Variants in NCKAP1 observed in about 807,000 individuals in gnomAD.
NCKAP1 encodes nck-associated protein 1.
NCKAP1 carries 21 observed loss-of-function variants against 151.2 expected under a neutral mutation model. That is an observed-to-expected ratio of 0.14 (90% CI 0.10 to 0.20). NCKAP1 has a LOEUF of 0.20. NCKAP1 is among the 10% of genes least tolerant of loss of function. The pLI, the probability that NCKAP1 is intolerant of heterozygous loss-of-function variation, is 1.00. For missense variants in NCKAP1, 933 were observed against 1,352.1 expected (o/e 0.69, Z 4.86); for synonymous variants, 484 against 451.8 (o/e 1.07, Z -0.90).
At chr2:182,974,749 T>C (rs1455984540) in intron 15 of NCKAP1, among the ~76,000 whole-genome samples, 1 of 152,148 alleles carries the variant, frequency 6.6e-6, no homozygotes, top group African/African-American at 2.4e-5. Context: ...TACATTTCTA[T>C]TGTTTAAGCC....
chr2:182,983,049 C>CT (rs1697973119), intron 11 of NCKAP1, 122 bp from the exon 12 acceptor site: 2 of 777,824 alleles, frequency 2.6e-6, no homozygotes, highest in Non-Finnish European at 4.1e-6. Context: ...AGTGAAGAGA[C>CT]TAACAGAAGA....
chr2:182,965,416 T>C (rs1186779715), intron 16 of NCKAP1, among the ~76,000 whole-genome samples: 5 of 152,060 alleles, frequency 3.3e-5, no homozygotes. Flanking sequence ...CCTTAACCTC[T>C]TGGGCTCAAG....
At chr2:182,955,308 A>G (rs941494392) in intron 20 of NCKAP1, among the ~76,000 whole-genome samples, 3 of 152,230 alleles carry the variant, frequency 2.0e-5, no homozygotes, top group African/African-American at 7.2e-5. Flanking sequence ...TAATGACTAC[A>G]GAAACTTTGA....
intron 8 of NCKAP1, 107 bp downstream of exon 8, chr2:182,994,732 T>G (rs902332338): frequency 4.8e-6 from 4 of 827,402 alleles, no homozygotes; most frequent in Non-Finnish European, 7.9e-6. Context: ...TGGACATAGA[T>G]GGGTTAGCAC....
intron 11 of NCKAP1, 125 bp from the exon 12 acceptor site, chr2:182,983,052 A>G (rs1485848889): frequency 5.3e-6 from 4 of 748,714 alleles, no homozygotes; most frequent in African/African-American, 5.3e-5. Flanking sequence ...GAAGAGACTA[A>G]CAGAAGAGGA....
rs1290419561 is a variant in NCKAP1 at position 183,038,052 on chromosome 2, C to T, written c.48G>A (p.Lys16=). 2.5e-6 allele frequency: 4 copies of T among 1,587,868 alleles called. No individual in the cohort carries two copies. The African/African-American group carries it at 5.5e-5, about 22-fold the overall frequency. ...LQPSQQKLAE[K]LTILNDRGVG... ...CGCCCCGGTCGTTGAGGATGGTGAG[C>T]TTCTCCGCCAGCTTCTGCTGACTGG... The change falls in exon 1 of 31, where the codon AAG becomes AAA. Residue 16 remains lysine, a synonymous_variant. Coordinates refer to ENST00000361354, the MANE Select transcript of NCKAP1 (RefSeq NM_013436.5).
At position 182,921,408 on chromosome 2, in the gene NCKAP1, T is replaced by G. The variant is rs879683392; in HGVS notation, c.*4294A>C. ...GTATGTGTATGTAGTGTACTATGAA[T>G]GTGACTCAGCCATATACTACAACTG... On this transcript the variant is annotated 3_prime_UTR_variant, in exon 31 of 31. Coordinates refer to ENST00000361354, the MANE Select transcript of NCKAP1 (RefSeq NM_013436.5). The G allele has an allele frequency of 3.9e-5, 6 of 152,352 alleles. No homozygotes were observed. Among genetic ancestry groups the G allele is most frequent in the Admixed American group, 6.5e-5 (1 of 15,304 alleles). The allele number at this position is 152,352 out of a possible 1,614,324, so 9.4% of individuals were successfully genotyped here. A position where few individuals can be genotyped will look rare whatever the true frequency, so the allele number is the denominator to read the frequency against.
At chr2:183,011,865 CAT>C (rs1698595905) in intron 2 of NCKAP1, among the ~76,000 whole-genome samples, 1 of 152,290 alleles carries the variant, frequency 6.6e-6, no homozygotes, top group African/African-American at 2.4e-5. Context: ...ACTGTAATAA[CAT>C]ATTATTCAGA....
chr2:182,995,009 C>A (rs921684457), intron 7 of NCKAP1, 122 bp from the exon 8 acceptor site: 42 of 744,828 alleles, frequency 5.6e-5, no homozygotes, highest in Non-Finnish European at 1.3e-5. Flanking sequence ...AATACTACCA[C>A]AACAAATTTG....
intron 10 of NCKAP1, among the ~76,000 whole-genome samples, chr2:182,984,423 G>GGGGGTGTGTGTGTGTGTGTGT (rs984252600): frequency 6.9e-6 from 1 of 144,282 alleles, no homozygotes; most frequent in Non-Finnish European, 1.6e-5. Context: ...TTTAGATTGG[G>GGGGGTGTGTGTGTGTGTGTGT]GTGTGTGTGT....
intron 2 of NCKAP1, among the ~76,000 whole-genome samples, chr2:183,018,870 C>T (rs770463154): frequency 2.0e-5 from 3 of 152,150 alleles, no homozygotes; most frequent in Non-Finnish European, 2.9e-5. Context: ...TCTATTGCTT[C>T]GCCTCTGAAC....
intron 15 of NCKAP1, among the ~76,000 whole-genome samples, chr2:182,973,741 T>A (rs542472761): frequency 1.3e-5 from 2 of 152,326 alleles, no homozygotes; most frequent in Admixed American, 1.3e-4. Flanking sequence ...CAAAGGCAGA[T>A]CATTCATAGT....
intron 26 of NCKAP1, among the ~76,000 whole-genome samples, chr2:182,931,546 G>T (rs1019272460): frequency 3.3e-5 from 5 of 152,000 alleles, no homozygotes; most frequent in African/African-American, 1.2e-4. Flanking sequence ...AAACCTAAAT[G>T]TAAGAGCTAA....
At chr2:183,036,886 C>T (rs756164803) in intron 1 of NCKAP1, among the ~76,000 whole-genome samples, 15 of 149,988 alleles carry the variant, frequency 1.0e-4, no homozygotes, top group Admixed American at 5.3e-4. Flanking sequence ...TTAAACTAAA[C>T]GGTAACATTC....
chr2:182,918,566 A>G lies in NCKAP1; in HGVS notation c.*7136T>C, dbSNP rs572013860. ...GATGGAGCCAGAGGCCATTATTCTA[A>G]GCAAAGTAACTCAGGAACAGAAAAC... On this transcript the variant is annotated 3_prime_UTR_variant, in exon 31 of 31. Transcript: ENST00000361354. The G allele has an allele frequency of 6.6e-6, 1 of 152,222 alleles. No homozygotes were observed. Among genetic ancestry groups the G allele is most frequent in the Non-Finnish European group, 1.5e-5 (1 of 68,044 alleles). The allele number at this position is 152,222 out of a possible 1,614,324, so 9.4% of individuals were successfully genotyped here. A position where few individuals can be genotyped will look rare whatever the true frequency, so the allele number is the denominator to read the frequency against.
chr2:183,024,333 A>C (rs1196160681), intron 1 of NCKAP1, among the ~76,000 whole-genome samples: 2 of 152,166 alleles, frequency 1.3e-5, no homozygotes, highest in Non-Finnish European at 2.9e-5. Context: ...GTCTTTTCCA[A>C]AATGTTTTCC....
intron 2 of NCKAP1, among the ~76,000 whole-genome samples, chr2:183,022,534 T>G (rs955963856): frequency 1.6e-4 from 24 of 152,158 alleles, no homozygotes; most frequent in African/African-American, 5.3e-4. Context: ...TGTCTGTAAT[T>G]CCAGCACTTT....
At chr2:183,017,077 T>C (rs1396888420) in intron 2 of NCKAP1, among the ~76,000 whole-genome samples, 1 of 152,096 alleles carries the variant, frequency 6.6e-6, no homozygotes, top group African/African-American at 2.4e-5. Flanking sequence ...ACATGTTCCA[T>C]ATTGGATAAA....
Position 183,024,176 on chromosome 2 carries a change from T to TA in NCKAP1, c.109-261dup, listed in dbSNP as rs747622643. ...AGCAGTGAAGGAAAAAGCTCAAACC[T>TA]AAAAAAAAGAAAAAGAAAAAAAATT... On this transcript the variant is annotated intron_variant, in intron 1 of 30. Transcript: ENST00000361354. Among the ~76,000 whole-genome samples the TA allele has an allele frequency of 2.1e-4, 31 of 151,060 alleles. No homozygotes were observed. In the East Asian group the frequency reaches 5.8e-3, roughly 28 times the overall value.
Sources: allele counts gnomAD v4.1 joint callset (sites outside exome capture counted in the v4.1 genomes callset), GRCh38; gene constraint gnomAD v4.1.1; transcripts MANE v1.5; gene names NCBI Gene and HGNC (gene_info 2026-07-23, HGNC 2026-07-21).